Variants in SND1 observed in about 807,000 individuals in gnomAD.
The protein encoded by SND1 is staphylococcal nuclease domain-containing protein 1.
In SND1, 38 loss-of-function variants were observed where a neutral mutation model predicts 121.7. The ratio of observed to expected loss-of-function variants is 0.31; its 90% CI spans 0.24 to 0.41. SND1 has a LOEUF of 0.41. SND1 is among the 10% of genes least tolerant of loss of function. SND1 has a pLI of 1.00. For synonymous variants in SND1, 401 were observed against 447.4 expected (o/e 0.90, Z 1.31); for missense variants, 868 against 1,184.6 (o/e 0.73, Z 3.92).
intron 16 of SND1, among the ~76,000 whole-genome samples, chr7:128,065,758 CG>C (rs1793302405): frequency 6.6e-6 from 1 of 152,196 alleles, no homozygotes. Flanking sequence ...AAAGAACGGA[CG>C]CACCGAATGG....
At chr7:127,951,361 T>G (rs1329409315) in intron 15 of SND1, among the ~76,000 whole-genome samples, 1 of 152,184 alleles carries the variant, frequency 6.6e-6, no homozygotes, top group Non-Finnish European at 1.5e-5. Flanking sequence ...GCGAGGTAAC[T>G]AAAATAGTGA....
At chr7:127,959,302 G>A (rs1230126917) in intron 15 of SND1, among the ~76,000 whole-genome samples, 1 of 152,184 alleles carries the variant, frequency 6.6e-6, no homozygotes, top group Admixed American at 6.5e-5. Context: ...GTGTTTCCCT[G>A]GCAGACTGCA....
intron 12 of SND1, among the ~76,000 whole-genome samples, chr7:127,848,483 G>A (rs1346739897): frequency 1.3e-5 from 2 of 152,238 alleles, no homozygotes; most frequent in African/African-American, 4.8e-5. Context: ...GTTAAGGGAA[G>A]GGTTAGTAAA....
At chr7:128,078,824 A>T (rs1198480410) in intron 17 of SND1, among the ~76,000 whole-genome samples, 1 of 152,252 alleles carries the variant, frequency 6.6e-6, no homozygotes, top group African/African-American at 2.4e-5. Flanking sequence ...TTGCAGGCTC[A>T]GGGGCCATGG....
intron 15 of SND1, among the ~76,000 whole-genome samples, chr7:127,988,958 T>G (rs1277404724): frequency 2.0e-5 from 3 of 152,240 alleles, no homozygotes; most frequent in Non-Finnish European, 4.4e-5. Context: ...TTGTTTATTT[T>G]TCTCTCTGAT....
chr7:127,929,103 G>A (rs1800908614), intron 14 of SND1, 85 bp from the exon 15 acceptor site: 1 of 1,416,696 alleles, frequency 7.1e-7, no homozygotes, highest in Non-Finnish European at 9.8e-7. Flanking sequence ...TTAGCTTCCT[G>A]CCAAACTTTT....
chr7:127,802,107 A>G (rs1798142794), intron 10 of SND1, among the ~76,000 whole-genome samples: 1 of 152,042 alleles, frequency 6.6e-6, no homozygotes, highest in African/African-American at 2.4e-5. Flanking sequence ...GGCCTCCCAA[A>G]GTGCTGGGAT....
chr7:128,065,882 G>A (rs771673624), intron 16 of SND1, among the ~76,000 whole-genome samples: 5 of 152,186 alleles, frequency 3.3e-5, no homozygotes, highest in Non-Finnish European at 4.4e-5. Context: ...GAGACCTTTG[G>A]GAAGATGGGT....
chr7:127,917,530 A>G (rs1410988575), intron 14 of SND1, among the ~76,000 whole-genome samples: 1 of 152,132 alleles, frequency 6.6e-6, no homozygotes, highest in Non-Finnish European at 1.5e-5. Context: ...TTGCGCGGGT[A>G]GCTGTGACTT....
At chr7:127,886,847 G>T in intron 12 of SND1, among the ~76,000 whole-genome samples, 1 of 26,702 alleles carries the variant, frequency 3.7e-5, no homozygotes, top group Non-Finnish European at 7.5e-5. Context: ...TTCTTATTCT[G>T]GCAAAAAAAA....
chr7:127,893,513 G>A (rs1232770286), intron 13 of SND1, among the ~76,000 whole-genome samples: 1 of 152,072 alleles, frequency 6.6e-6, no homozygotes, highest in African/African-American at 2.4e-5. Context: ...TTAATTCTAA[G>A]ATTTGCAATT....
chr7:127,850,795 C>T (rs1799151328), intron 12 of SND1, among the ~76,000 whole-genome samples: 1 of 152,198 alleles, frequency 6.6e-6, no homozygotes, highest in Admixed American at 6.5e-5. Flanking sequence ...CCTATCCATT[C>T]TGAGGACATC....
In SND1 at chr7:127,997,812, C is replaced by A. The variant is rs767457793; in HGVS notation, c.1779+6756C>A. The A allele has an allele frequency of 5.6e-6, 3 of 534,798 alleles. No individual in the cohort carries two copies. The Admixed American group carries it at 5.8e-5, about 10-fold the overall frequency. The allele number at this position is 534,798 out of a possible 1,614,324, so 33.1% of individuals were successfully genotyped here. ...TTCTCCCATCTCTCAGGTAGACTTA[C>A]ACTTTCGGCCCAGCACATCAGTCAT... On this transcript the variant is annotated intron_variant, in intron 16 of 23. Transcript: ENST00000354725.
chr7:127,816,844 G>A lies in SND1; in HGVS notation c.1242+9271G>A, dbSNP rs963852861. ...AGCCCAGCTAATTGTTGTATTTTTA[G>A]TAGGGATAGGGTTTCACCATGTTGG... On this transcript the variant is annotated intron_variant, in intron 11 of 23. Coordinates refer to ENST00000354725, the MANE Select transcript of SND1 (RefSeq NM_014390.4). 3.9e-5 allele frequency among the ~76,000 whole-genome samples: 6 copies of A among 152,056 alleles called. No homozygotes were observed. In the East Asian group the frequency reaches 5.8e-4, roughly 15 times the overall value.
chr7:127,795,970 G>A (rs1584579027), intron 10 of SND1, among the ~76,000 whole-genome samples: 2 of 151,986 alleles, frequency 1.3e-5, no homozygotes, highest in East Asian at 1.9e-4. Context: ...CCATTGTCCT[G>A]CCTCAGCCTC....
chr7:127,657,766 T>G (rs10229165), intron 1 of SND1, among the ~76,000 whole-genome samples: 25,301 of 152,166 alleles, frequency 0.17, 2,137 homozygotes, highest in South Asian at 0.25. Context: ...CCCAAAGTGC[T>G]GGGTTTATAG....
At position 127,676,412 on chromosome 7, in the gene SND1, T is replaced by A. The variant is rs537473102; in HGVS notation, c.79-10201T>A. ...TTATCTTTACTTATAGATGAAGGAA[T>A]ATCACAGTGTTCAGAATGATTTTCA... On this transcript the variant is annotated intron_variant, in intron 1 of 23. Transcript: ENST00000354725. 3.3e-5 allele frequency among the ~76,000 whole-genome samples: 5 copies of A among 152,286 alleles called. No homozygotes were observed. The East Asian group carries it at 9.7e-4, about 29-fold the overall frequency.
Position 128,029,172 on chromosome 7 carries a change from G to C in SND1, c.1779+38116G>C, listed in dbSNP as rs1198229726. 1 of 1,614,152 alleles carries C rather than the reference G, an allele frequency of 6.2e-7. No individual in the cohort carries two copies. Among genetic ancestry groups the C allele is most frequent in the Non-Finnish European group, 8.5e-7 (1 of 1,180,028 alleles). On this transcript the variant is annotated intron_variant, in intron 16 of 23. Transcript: ENST00000354725. The surrounding 1 kb of genome is among the most constrained non-coding windows in gnomAD (Gnocchi z 4.2). ...GGTAGTCTGAATGAGCACCGTGGTA[G>C]AGGTGGTATATGCCGGCTGGTAACC...
At chr7:127,749,041 TCG>T (rs1491554728) in intron 10 of SND1, among the ~76,000 whole-genome samples, 1 of 131,782 alleles carries the variant, frequency 7.6e-6, no homozygotes, top group East Asian at 2.4e-4. Flanking sequence ...TTTTTTTCTT[TCG>T]TTTTTTTTTT....
Sources: gnomAD v4.1 joint callset for allele counts (sites outside exome capture counted in the v4.1 genomes callset) on GRCh38, gnomAD v4.1.1 for gene constraint, Gnocchi (gnomAD v3.1) non-coding constraint, MANE v1.5 for transcripts, NCBI Gene and HGNC (gene_info 2026-07-23, HGNC 2026-07-21) for gene names.